The following SNF8 variants were observed in gnomAD, a reference collection of about 807,000 sequenced individuals.
SNF8 encodes the protein vacuolar-sorting protein SNF8.
A neutral mutation model predicts 36.8 loss-of-function variants in SNF8; 19 were observed. The ratio of observed to expected loss-of-function variants is 0.52; its 90% CI spans 0.36 to 0.76. The LOEUF (loss-of-function observed/expected upper bound fraction) is 0.76, where lower values mean the gene tolerates loss of function less well. Ranked by LOEUF, SNF8 falls within the 30% of genes least tolerant of loss-of-function variation. SNF8 has a pLI of 0.00. For missense variants in SNF8, 268 were observed against 322.9 expected (o/e 0.83, Z 1.30); for synonymous variants, 127 against 127.4 (o/e 1.00, Z 0.02).
intron 3 of SNF8, 71 bp from the exon 4 acceptor site, chr17:48,937,195 TA>T: frequency 8.8e-7 from 1 of 1,135,564 alleles, no homozygotes; most frequent in Non-Finnish European, 1.3e-6. Context: ...AAACCTGCAT[TA>T]AAACATCTAT....
rs748161803 is a variant in SNF8 at position 48,944,761 on chromosome 17, G to T, written c.-27C>A. The T allele has an allele frequency of 5.7e-6, 9 of 1,588,248 alleles. 1 individual carries two copies. The South Asian group carries it at 7.8e-5, about 14-fold the overall frequency. ...CCCACCCTGGGCCCGCGGGCCGCCC[G>T]GCTGCCGGGACCCCGGGTCTCCACG... On this transcript the variant is annotated 5_prime_UTR_variant, in exon 1 of 8. Transcript: ENST00000502492.
At chr17:48,938,844 G>A (rs1412301189) in intron 3 of SNF8, among the ~76,000 whole-genome samples, 3 of 150,322 alleles carry the variant, frequency 2.0e-5, no homozygotes, top group African/African-American at 7.3e-5. Flanking sequence ...TTGCACTCCA[G>A]CATGGGCAAC....
intron 3 of SNF8, among the ~76,000 whole-genome samples, chr17:48,938,496 C>CA (rs11339083): frequency 0.27 from 30,291 of 113,542 alleles, 3,971 homozygotes; most frequent in Admixed American, 0.38. Flanking sequence ...AACTCCATCT[C>CA]AAAAAAAAAA....
chr17:48,933,380 G>A (rs1567784898), intron 5 of SNF8, 34 bp from the exon 6 acceptor site: 1 of 1,613,280 alleles, frequency 6.2e-7, no homozygotes, highest in East Asian at 2.2e-5. Context: ...ACGACCCTTG[G>A]CAGAATCAGA....
rs1469577382 is a variant in SNF8, at chr17:48,944,791, G to A, written c.-57C>T. ...CCGGGACCCCGGGTCTCCACGTCCC[G>A]GACTCCGCCGCCGGCTCCCCAAGGC... On this transcript the variant is annotated 5_prime_UTR_variant, in exon 1 of 8. Transcript: ENST00000502492. 2.6e-6 allele frequency: 4 copies of A among 1,513,346 alleles called. No individual in the cohort carries two copies. The highest frequency in any genetic ancestry group is 3.5e-6 in the Non-Finnish European group (4 of 1,141,396). 93.7% of individuals were successfully genotyped at this position (1,513,346 alleles called of 1,614,324 possible).
At chr17:48,931,748 G>T (rs761691977) in intron 6 of SNF8, 31 bp from the exon 7 acceptor site, 2 of 1,566,754 alleles carry the variant, frequency 1.3e-6, no homozygotes, top group South Asian at 2.2e-5. Context: ...GATTGAATCA[G>T]TTAAGAGTGC....
chr17:48,931,663 C>T lies in SNF8; in HGVS notation c.619G>A (p.Glu207Lys), dbSNP rs779528259. ...EIKASLKWET[E>K]RARQVLEHLL... The stretch of plus-strand genomic sequence containing the variant: ...CATACCAGCACTTGCCGCGCTCGCT[C>T]GGTCTCCCATTTAAGACTGGCTTTG... Residue 207 changes from glutamate to lysine, a missense_variant, in exon 7 of 8, where the codon GAG (glutamate) becomes AAG (lysine). Coordinates refer to ENST00000502492, the MANE Select transcript of SNF8 (RefSeq NM_007241.4). 2.4e-5 allele frequency: 38 copies of T among 1,613,450 alleles called. No homozygotes were observed. The highest frequency in any genetic ancestry group is 7.7e-5 in the South Asian group (7 of 90,866).
At chr17:48,942,734 C>G (rs771542714) in intron 2 of SNF8, among the ~76,000 whole-genome samples, 2 of 152,042 alleles carry the variant, frequency 1.3e-5, no homozygotes, top group East Asian at 3.9e-4. Flanking sequence ...AGCTCTACCA[C>G]TTACTACCCA....
intron 3 of SNF8, 39 bp from the exon 4 acceptor site, chr17:48,937,163 T>C (rs2040947216): frequency 7.1e-7 from 1 of 1,410,008 alleles, no homozygotes; most frequent in African/African-American, 1.4e-5. Flanking sequence ...TATTGATTAA[T>C]TTACATCCCT....
rs771352287 is a variant in SNF8 at position 48,931,624 on chromosome 17, C to G, written c.639+19G>C. 1.9e-6 allele frequency: 3 copies of G among 1,608,092 alleles called. No individual in the cohort carries two copies. The African/African-American group carries it at 4.0e-5, about 22-fold the overall frequency. ...CTGGGGCCTGCCTGTCTTTTCTGGACTGTTCCAAAGTTGCATACCAGCACT... is the reference window on the plus strand; with the variant it reads ...CTGGGGCCTGCCTGTCTTTTCTGGAGTGTTCCAAAGTTGCATACCAGCACT... On this transcript the variant is annotated intron_variant, in intron 7 of 7. Transcript: ENST00000502492.
intron 2 of SNF8, among the ~76,000 whole-genome samples, chr17:48,942,870 T>TC (rs2041050552): frequency 8.0e-6 from 1 of 124,320 alleles, no homozygotes; most frequent in African/African-American, 3.0e-5. Flanking sequence ...TTTTTTTTTT[T>TC]TTTGCTTTTT....
intron 2 of SNF8, among the ~76,000 whole-genome samples, chr17:48,943,028 G>C (rs1251587944): frequency 6.6e-6 from 1 of 151,496 alleles, no homozygotes; most frequent in Non-Finnish European, 1.5e-5. Context: ...ACCACGCCCG[G>C]CTAATTTTTG....
Position 48,944,757 on chromosome 17 carries a change from G to T in SNF8, c.-23C>A, listed in dbSNP as rs754004159. 5.7e-6 allele frequency: 9 copies of T among 1,589,212 alleles called. No individual in the cohort carries two copies. The highest frequency in any genetic ancestry group is 2.4e-5 in the East Asian group (1 of 42,364). ...CATCCCCACCCTGGGCCCGCGGGCC[G>T]CCCGGCTGCCGGGACCCCGGGTCTC... On this transcript the variant is annotated 5_prime_UTR_variant, in exon 1 of 8. Coordinates refer to ENST00000502492, the MANE Select transcript of SNF8 (RefSeq NM_007241.4).
Position 48,936,327 on chromosome 17 carries a change from C to G in SNF8, c.350-85G>C, listed in dbSNP as rs1232462725. On this transcript the variant is annotated intron_variant, in intron 4 of 7. Coordinates refer to ENST00000502492, the MANE Select transcript of SNF8 (RefSeq NM_007241.4). ...CAGTCATTACAATTCCAGTGGCCTACAAGTAGCAAATAACATTCTAGTTCC... is the reference window on the plus strand; with the variant it reads ...CAGTCATTACAATTCCAGTGGCCTAGAAGTAGCAAATAACATTCTAGTTCC... 3.9e-6 allele frequency: 4 copies of G among 1,027,036 alleles called. No homozygotes were observed. The African/African-American group carries it at 4.8e-5, about 12-fold the overall frequency. 63.6% of individuals were successfully genotyped at this position (1,027,036 alleles called of 1,614,324 possible).
intron 2 of SNF8, among the ~76,000 whole-genome samples, chr17:48,941,588 G>A (rs1250632009): frequency 6.6e-6 from 1 of 152,114 alleles, no homozygotes; most frequent in Non-Finnish European, 1.5e-5. Context: ...GTCTGGCCAG[G>A]AATGGTGGCT....
At chr17:48,940,313 T>C (rs931403488) in intron 3 of SNF8, among the ~76,000 whole-genome samples, 1 of 151,638 alleles carries the variant, frequency 6.6e-6, no homozygotes, top group Non-Finnish European at 1.5e-5. Flanking sequence ...AGTGCTGGGA[T>C]TACAGGCATG....
intron 3 of SNF8, 75 bp downstream of exon 3, chr17:48,940,849 G>T: frequency 6.5e-7 from 1 of 1,542,328 alleles, no homozygotes. Context: ...CCCAACAGTG[G>T]TAACAACAAC....
At chr17:48,935,966 T>A in intron 5 of SNF8, 2 of 493,950 alleles carry the variant, frequency 4.0e-6, no homozygotes, top group South Asian at 4.6e-5. Context: ...TAAGCTGTGA[T>A]CATGCCACTG....
chr17:48,944,798 G>T lies in SNF8; in HGVS notation c.-64C>A. 1 of 1,488,276 alleles carries T rather than the reference G, an allele frequency of 6.7e-7. No homozygotes were observed. The highest frequency in any genetic ancestry group is 8.9e-7 in the Non-Finnish European group (1 of 1,129,872). The allele number at this position is 1,488,276 out of a possible 1,614,324, so 92.2% of individuals were successfully genotyped here. On this transcript the variant is annotated 5_prime_UTR_variant, in exon 1 of 8. Coordinates refer to ENST00000502492, the MANE Select transcript of SNF8 (RefSeq NM_007241.4). Reference sequence around the variant, plus strand: ...CCCGGGTCTCCACGTCCCGGACTCCGCCGCCGGCTCCCCAAGGCGGAAGCC... The same window carrying T: ...CCCGGGTCTCCACGTCCCGGACTCCTCCGCCGGCTCCCCAAGGCGGAAGCC...
Sources: gnomAD v4.1 joint callset for allele counts (sites outside exome capture counted in the v4.1 genomes callset) on GRCh38, gnomAD v4.1.1 for gene constraint, MANE v1.5 for transcripts, NCBI Gene and HGNC (gene_info 2026-07-23, HGNC 2026-07-21) for gene names.